PCDH11X: variants seen among roughly 807,000 people sequenced by gnomAD.
The protein encoded by PCDH11X is protocadherin 11 X-linked.
A neutral mutation model predicts 53.3 loss-of-function variants in PCDH11X; 18 were observed. The ratio of observed to expected loss-of-function variants is 0.34; its 90% CI spans 0.23 to 0.50. The LOEUF (loss-of-function observed/expected upper bound fraction) is 0.50, where lower values mean the gene tolerates loss of function less well. PCDH11X is among the 20% of genes least tolerant of loss of function. The pLI, the probability that PCDH11X is intolerant of heterozygous loss-of-function variation, is 0.98. For missense variants in PCDH11X, 570 were observed against 1,032.4 expected (o/e 0.55, Z 6.14); for synonymous variants, 279 against 393.3 (o/e 0.71, Z 3.44).
chrX:91,926,670 G>A (rs1335745954), intron 6 of PCDH11X, among the ~76,000 whole-genome samples: 1 of 110,061 alleles, frequency 9.1e-6, no homozygotes, highest in South Asian at 3.8e-4. Flanking sequence ...TATATTTTTT[G>A]ATTTGTATTT....
At chrX:92,472,370 CTTTTTTTTTTTT>C (rs750331340) in intron 10 of PCDH11X, among the ~76,000 whole-genome samples, 1 of 52,504 alleles carries the variant, frequency 1.9e-5, no homozygotes, top group Non-Finnish European at 3.3e-5. Context: ...TTCTTCAGAG[CTTTTTTTTTTTT>C]TTTTTTTTTG....
intron 7 of PCDH11X, among the ~76,000 whole-genome samples, chrX:92,230,345 ATTG>A (rs2148368390): frequency 1.0e-5 from 1 of 99,698 alleles, no homozygotes; most frequent in Admixed American, 1.2e-4. Context: ...TGGAACTCAG[ATTG>A]TTTTCTCATT....
intron 6 of PCDH11X, among the ~76,000 whole-genome samples, chrX:91,915,144 G>A (rs910257681): frequency 2.0e-5 from 2 of 102,234 alleles, no homozygotes; most frequent in Admixed American, 1.1e-4. Context: ...AGACAAACAA[G>A]TGCTGACTAC....
At chrX:92,470,064 A>G (rs925750843) in intron 10 of PCDH11X, among the ~76,000 whole-genome samples, 1 of 109,925 alleles carries the variant, frequency 9.1e-6, no homozygotes, top group African/African-American at 3.3e-5. Flanking sequence ...TGTGTCTTCA[A>G]TTTCTTTCAT....
rs759729205 is a variant in PCDH11X at position 92,198,252 on chromosome X, A to G, written c.3034-3123A>G. Reference sequence around the variant, plus strand: ...CTCTACAAAAAAAAAAAAGAAAAAAAATACAAAAATTAGCCGGGCATGGTG... The same window carrying G: ...CTCTACAAAAAAAAAAAAGAAAAAAGATACAAAAATTAGCCGGGCATGGTG... On this transcript the variant is annotated intron_variant, in intron 6 of 10. Coordinates refer to ENST00000682573, the MANE Select transcript of PCDH11X (RefSeq NM_032968.5). 8.9e-3 allele frequency among the ~76,000 whole-genome samples: 939 copies of G among 105,502 alleles called. 9 individuals carry two copies. The highest frequency in any genetic ancestry group is 0.031 in the African/African-American group (902 of 29,009). 91.6% of individuals were successfully genotyped at this position (105,502 alleles called of 115,157 possible).
intron 10 of PCDH11X, among the ~76,000 whole-genome samples, chrX:92,616,466 C>T: frequency 9.4e-6 from 1 of 105,960 alleles, no homozygotes; most frequent in African/African-American, 3.4e-5. Context: ...TATAATCATT[C>T]TGTTGGCACT....
chrX:91,924,307 G>A (rs1356558387), intron 6 of PCDH11X, among the ~76,000 whole-genome samples: 4 of 110,914 alleles, frequency 3.6e-5, no homozygotes, highest in Non-Finnish European at 7.5e-5. Context: ...TGCTCTTATT[G>A]GCTTTGAAGA....
At chrX:92,504,985 G>C (rs1417327714) in intron 10 of PCDH11X, among the ~76,000 whole-genome samples, 1 of 109,165 alleles carries the variant, frequency 9.2e-6, no homozygotes, top group East Asian at 2.9e-4. Context: ...AATGCTTTCA[G>C]CTTTTGCTCA....
chrX:92,000,900 G>A (rs1288215115), intron 6 of PCDH11X, among the ~76,000 whole-genome samples: 1 of 92,874 alleles, frequency 1.1e-5, no homozygotes, highest in Non-Finnish European at 2.1e-5. Flanking sequence ...TGTTGCAAAT[G>A]ACTGGATTTC....
At chrX:92,025,243 T>C (rs188249044) in intron 6 of PCDH11X, among the ~76,000 whole-genome samples, 2 of 108,585 alleles carry the variant, frequency 1.8e-5, no homozygotes, top group Admixed American at 2.0e-4. Flanking sequence ...AAAGGTCTAA[T>C]ATCCAGAATC....
chrX:92,139,270 CTT>C (rs1227547175), intron 6 of PCDH11X, among the ~76,000 whole-genome samples: 2 of 82,798 alleles, frequency 2.4e-5, no homozygotes, highest in Non-Finnish European at 4.6e-5. Context: ...TTCTTTCTTT[CTT>C]TTTTTTTTTT....
intron 6 of PCDH11X, chrX:92,201,123 A>G (rs1332816964): frequency 1.7e-5 from 2 of 114,472 alleles, no homozygotes; most frequent in African/African-American, 3.3e-5. Context: ...GTAACACTCC[A>G]TGTAAACTCC....
At chrX:92,368,257 A>T (rs1224666014) in intron 8 of PCDH11X, among the ~76,000 whole-genome samples, 1 of 110,473 alleles carries the variant, frequency 9.1e-6, no homozygotes, top group Non-Finnish European at 1.9e-5. Context: ...CTTTAATCTC[A>T]GATATCCGTT....
chrX:92,504,834 C>A lies in PCDH11X; in HGVS notation c.3367+36512C>A, dbSNP rs1162141958. ...GTTATTTTATGGTTTTTAATAATAG[C>A]CTTTTTCACTAATTGTGGTTTTGAT... On this transcript the variant is annotated intron_variant, in intron 10 of 10. Coordinates refer to ENST00000682573, the MANE Select transcript of PCDH11X (RefSeq NM_032968.5). Among the ~76,000 whole-genome samples the A allele has an allele frequency of 6.4e-5, 7 of 110,108 alleles. 1 individual carries two copies. Among genetic ancestry groups the A allele is most frequent in the Admixed American group, 5.8e-4 (6 of 10,335 alleles).
intron 6 of PCDH11X, among the ~76,000 whole-genome samples, chrX:91,888,666 A>T (rs1200737688): frequency 1.8e-5 from 2 of 110,998 alleles, no homozygotes; most frequent in Non-Finnish European, 3.8e-5. Flanking sequence ...ATCTCAAAAA[A>T]ATTTTTTTAA....
At chrX:92,130,622 C>A (rs1453640408) in intron 6 of PCDH11X, among the ~76,000 whole-genome samples, 1 of 101,652 alleles carries the variant, frequency 9.8e-6, no homozygotes, top group African/African-American at 3.7e-5. Flanking sequence ...TGCACTCCAG[C>A]CTGGGCAACA....
intron 8 of PCDH11X, among the ~76,000 whole-genome samples, chrX:92,354,717 TGTTA>T (rs1312444304): frequency 1.8e-5 from 2 of 111,436 alleles, no homozygotes; most frequent in Non-Finnish European, 3.8e-5. Flanking sequence ...CTAAGGCAAG[TGTTA>T]GTTAACAAAT....
At chrX:91,978,233 C>T (rs888881068) in intron 6 of PCDH11X, among the ~76,000 whole-genome samples, 1 of 109,042 alleles carries the variant, frequency 9.2e-6, no homozygotes, top group Non-Finnish European at 1.9e-5. Context: ...AGTGGTCTTT[C>T]GGGTCCCTTT....
At chrX:92,423,143 C>A (rs2072018113) in intron 9 of PCDH11X, among the ~76,000 whole-genome samples, 1 of 96,014 alleles carries the variant, frequency 1.0e-5, no homozygotes, top group Admixed American at 1.1e-4. Context: ...AGCCACCGCG[C>A]CCAGCCTGAT....
Sources: allele counts gnomAD v4.1 joint callset (sites outside exome capture counted in the v4.1 genomes callset), GRCh38; gene constraint gnomAD v4.1.1; transcripts MANE v1.5; gene names NCBI Gene and HGNC (gene_info 2026-07-23, HGNC 2026-07-21).